Variants in XIRP2 observed in about 807,000 individuals in gnomAD.
XIRP2 encodes xin actin binding repeat containing 2.
A neutral mutation model predicts 277.0 loss-of-function variants in XIRP2; 236 were observed. That is an observed-to-expected ratio of 0.85 (90% confidence interval 0.77 to 0.95). XIRP2 has a LOEUF of 0.95. Among genes scored for constraint, XIRP2 ranks in the 40% least tolerant of loss-of-function variants. XIRP2 has a pLI of 0.00. For missense variants in XIRP2, 4,640 were observed against 4,157.5 expected, an observed-to-expected ratio of 1.12 and a Z score of -3.19; for synonymous variants, 1,490 against 1,416.5, an observed-to-expected ratio of 1.05 and a Z score of -1.17.
At chr2:167,049,854 A>G (rs989437277) in intron 2 of XIRP2, among the ~76,000 whole-genome samples, 8 of 152,066 alleles carry the variant, frequency 5.3e-5, no homozygotes, top group African/African-American at 1.7e-4. Context: ...TACATGGTAG[A>G]AAGTTCCCTT....
rs1695745126 is a variant in XIRP2, at chr2:167,258,801, T to C, written c.*984T>C. 1.2e-6 allele frequency: 2 copies of C among 1,613,242 alleles called. No individual in the cohort carries two copies. Among genetic ancestry groups the C allele is most frequent in the East Asian group, 2.2e-5 (1 of 44,826 alleles). ...GCAAATGAATATGAAATTGAGAAGT[T>C]AGAAAATACATCTAGAATCTCAGAG... On this transcript the variant is annotated 3_prime_UTR_variant, in exon 11 of 11. Coordinates refer to ENST00000409195, the MANE Select transcript of XIRP2 (RefSeq NM_152381.6).
rs1264841372 is a variant in XIRP2, at chr2:167,210,972, T to C, written c.723+77T>C. On this transcript the variant is annotated intron_variant, in intron 4 of 10. Coordinates refer to ENST00000409195, the MANE Select transcript of XIRP2 (RefSeq NM_152381.6). ...CAATTCCCTCTTTATATTTGAAATGTAAGAATACTACTGGACAGGGGGCTA... is the reference window on the plus strand; with the variant it reads ...CAATTCCCTCTTTATATTTGAAATGCAAGAATACTACTGGACAGGGGGCTA... 4 of 1,550,228 alleles carry C rather than the reference T, an allele frequency of 2.6e-6. No homozygotes were observed. In the Admixed American group the frequency reaches 7.2e-5, roughly 28 times the overall value.
intron 3 of XIRP2, among the ~76,000 whole-genome samples, chr2:167,178,008 A>G (rs1392891086): frequency 6.6e-6 from 1 of 151,906 alleles, no homozygotes; most frequent in Admixed American, 6.6e-5. Flanking sequence ...GCTAACAGAA[A>G]TTGATTTGCA....
intron 2 of XIRP2, among the ~76,000 whole-genome samples, chr2:166,967,723 A>G (rs1367150963): frequency 6.6e-6 from 1 of 152,000 alleles, no homozygotes; most frequent in Non-Finnish European, 1.5e-5. Context: ...ATTGAATGTC[A>G]GTAGTTTTAC....
chr2:167,041,177 C>T (rs995554353), intron 2 of XIRP2, among the ~76,000 whole-genome samples: 17 of 152,226 alleles, frequency 1.1e-4, no homozygotes, highest in African/African-American at 3.1e-4. Context: ...TGAAATCATC[C>T]GGACAGTAAC....
intron 2 of XIRP2, among the ~76,000 whole-genome samples, chr2:166,985,493 C>T (rs969323500): frequency 2.6e-5 from 4 of 151,056 alleles, no homozygotes; most frequent in Non-Finnish European, 4.4e-5. Flanking sequence ...TGCAGTGGTA[C>T]GATCTCCGCT....
intron 2 of XIRP2, among the ~76,000 whole-genome samples, chr2:167,042,880 A>G (rs1472672474): frequency 6.6e-6 from 1 of 152,162 alleles, no homozygotes; most frequent in Admixed American, 6.5e-5. Context: ...TCTACAGAAT[A>G]TTCCATCCAA....
intron 2 of XIRP2, among the ~76,000 whole-genome samples, chr2:167,007,715 A>T (rs1355105287): frequency 1.1e-3 from 163 of 150,882 alleles, no homozygotes; most frequent in African/African-American, 2.6e-3. Flanking sequence ...ACACACACAC[A>T]CACACACACA....
chr2:166,921,041 T>C (rs1685023273), intron 2 of XIRP2, among the ~76,000 whole-genome samples: 1 of 152,180 alleles, frequency 6.6e-6, no homozygotes, highest in Non-Finnish European at 1.5e-5. Flanking sequence ...TTTATTTTTC[T>C]TTAAAAATCC....
intron 5 of XIRP2, among the ~76,000 whole-genome samples, chr2:167,238,108 T>C (rs1297957469): frequency 6.6e-6 from 1 of 152,224 alleles, no homozygotes; most frequent in Non-Finnish European, 1.5e-5. Context: ...AGAACATTCC[T>C]CGCAAGTAGG....
In XIRP2 at chr2:167,240,699, C is replaced by T; in HGVS notation, c.1005C>T (p.Asn335=). ...TTGAAAAGCACACCGAGGAAGTAAA[C>T]CAAGCATCTCAGTTTCATCAATATG... ...SHLEKHTEEV[N]QASQFHQYVQ... is the part of the protein sequence containing the mutation. Residue 335 remains asparagine, a synonymous_variant, in exon 7 of 11, where the codon AAC becomes AAT. Coordinates refer to ENST00000409195, the MANE Select transcript of XIRP2 (RefSeq NM_152381.6). 4 of 1,613,842 alleles carry T rather than the reference C, an allele frequency of 2.5e-6. No homozygotes were observed. Among genetic ancestry groups the T allele is most frequent in the Non-Finnish European group, 3.4e-6 (4 of 1,179,884 alleles).
intron 3 of XIRP2, among the ~76,000 whole-genome samples, chr2:167,156,558 T>G (rs547951944): frequency 6.6e-6 from 1 of 152,312 alleles, no homozygotes; most frequent in East Asian, 1.9e-4. Flanking sequence ...AATTATCAGA[T>G]GCAAGACAAA....
intron 7 of XIRP2, 97 bp from the exon 8 acceptor site, chr2:167,241,680 G>C (rs930140075): frequency 3.6e-6 from 5 of 1,387,544 alleles, no homozygotes. Flanking sequence ...AAAGTATTGG[G>C]ATTACAGGAA....
intron 3 of XIRP2, among the ~76,000 whole-genome samples, chr2:167,202,598 T>G (rs1693752854): frequency 6.6e-6 from 1 of 152,204 alleles, no homozygotes; most frequent in Admixed American, 6.5e-5. Context: ...TAGTGGTTTG[T>G]GTATTTACGT....
rs774732758 is a variant in XIRP2 at position 167,245,093 on chromosome 2, G to A, written c.3701G>A (p.Gly1234Asp). ...KTLKTEDIQK[G>D]NVLNCRWLFE... is the part of the protein sequence containing the mutation. Reference sequence around the variant, plus strand: ...TTAAAAACTGAAGATATTCAGAAAGGCAATGTTTTAAATTGTAGGTGGCTT... The same window carrying A: ...TTAAAAACTGAAGATATTCAGAAAGACAATGTTTTAAATTGTAGGTGGCTT... Residue 1234 changes from glycine (G) to aspartate (D), a missense_variant, in exon 9 of 11, where the codon GGC (glycine) becomes GAC (aspartate). Physicochemically the swap from Gly to Asp is moderately conservative, Grantham distance 94. Transcript: ENST00000409195. 9.9e-6 allele frequency: 16 copies of A among 1,610,204 alleles called. No homozygotes were observed. In the East Asian group the frequency reaches 1.8e-4, roughly 18 times the overall value.
chr2:167,210,863 T>G lies in XIRP2; in HGVS notation c.691T>G (p.Ser231Ala). 6.2e-7 allele frequency: 1 copy of G among 1,614,114 alleles called. No homozygotes were observed. Among genetic ancestry groups the G allele is most frequent in the Non-Finnish European group, 8.5e-7 (1 of 1,179,986 alleles). Residue 231 changes from serine (S) to alanine (A), a missense_variant, in exon 4 of 11, where the codon TCC (serine) becomes GCC (alanine). Transcript: ENST00000409195. The stretch of plus-strand genomic sequence containing the variant: ...GATGGCGAGGTACCAGGCAGCTGTT[T>G]CCAGGGGTGACTGCCGCAGCTTCTC... ...ERMARYQAAV[S>A]RGDCRSFSAN...
In XIRP2 at chr2:167,259,493, T is replaced by A. The variant is rs1559050611; in HGVS notation, c.*1676T>A. 2 of 868,986 alleles carry A rather than the reference T, an allele frequency of 2.3e-6. No individual in the cohort carries two copies. Among genetic ancestry groups the A allele is most frequent in the Non-Finnish European group, 3.4e-6 (2 of 589,748 alleles). The allele number at this position is 868,986 out of a possible 1,614,324, so 53.8% of individuals were successfully genotyped here. ...ACATGGTGTTCAGAAATCTCGTGTC[T>A]ATCTCAATGGGATATTTCTTGTATT... On this transcript the variant is annotated 3_prime_UTR_variant, in exon 11 of 11. Coordinates refer to ENST00000409195, the MANE Select transcript of XIRP2 (RefSeq NM_152381.6).
intron 2 of XIRP2, among the ~76,000 whole-genome samples, chr2:167,093,386 T>C (rs1260290193): frequency 6.6e-6 from 1 of 152,014 alleles, no homozygotes; most frequent in East Asian, 1.9e-4. Context: ...ATTACATAGG[T>C]ATGTATGTGC....
At chr2:167,090,248 T>C (rs1186389092) in intron 2 of XIRP2, among the ~76,000 whole-genome samples, 1 of 152,108 alleles carries the variant, frequency 6.6e-6, no homozygotes, top group Admixed American at 6.6e-5. Flanking sequence ...TTTCAGACAA[T>C]GCAAAGATTT....
Sources: gnomAD v4.1 joint callset for allele counts (sites outside exome capture counted in the v4.1 genomes callset) on GRCh38, gnomAD v4.1.1 for gene constraint, MANE v1.5 for transcripts, NCBI Gene and HGNC (gene_info 2026-07-23, HGNC 2026-07-21) for gene names.